The following HADH variants were observed in gnomAD, a reference collection of about 807,000 sequenced individuals.
HADH encodes hydroxyacyl-coenzyme A dehydrogenase, mitochondrial.
A neutral mutation model predicts 32.2 loss-of-function variants in HADH; 24 were observed. The observed-to-expected ratio is 0.75, with a 90% CI of 0.54 to 1.05. The LOEUF is 1.05. Among genes scored for constraint, HADH ranks in the 50% least tolerant of loss-of-function variants. The probability of loss-of-function intolerance (pLI) is 0.00; values close to 1 mark genes in which losing one functional copy is unlikely to be tolerated. For synonymous variants in HADH, 139 were observed against 152.5 expected (o/e 0.91, Z 0.65); for missense variants, 350 against 397.1 (o/e 0.88, Z 1.01).
chr4:107,989,931 C>T lies in HADH; in HGVS notation c.-2C>T, dbSNP rs567325509. On this transcript the variant is annotated 5_prime_UTR_variant, in exon 1 of 8. Transcript: ENST00000309522. Reference sequence around the variant, plus strand: ...CCTCGCTGTCGCCGCCGCTGCCACACCATGGCCTTCGTCACCAGGCAGTTC... The same window carrying T: ...CCTCGCTGTCGCCGCCGCTGCCACATCATGGCCTTCGTCACCAGGCAGTTC... 1.1e-5 allele frequency: 18 copies of T among 1,612,406 alleles called. No individual in the cohort carries two copies. In the South Asian group the frequency reaches 1.9e-4, roughly 17 times the overall value.
chr4:108,004,742 AT>A, intron 1 of HADH: 1 of 1,534,774 alleles, frequency 6.5e-7, no homozygotes, highest in East Asian at 2.4e-5. Context: ...TGGAAAAGAG[AT>A]TTTTAAGGTC....
chr4:107,991,353 G>GT (rs1281237601), intron 1 of HADH, among the ~76,000 whole-genome samples: 1 of 151,970 alleles, frequency 6.6e-6, no homozygotes, highest in Non-Finnish European at 1.5e-5. Context: ...TCAATGTCTT[G>GT]TTTCCAACCA....
Position 108,034,976 on chromosome 4 carries a change from G to A in HADH, c.*619G>A, listed in dbSNP as rs1736413610. The A allele has an allele frequency of 6.2e-6, 1 of 160,626 alleles. No homozygotes were observed. The highest frequency in any genetic ancestry group is 5.7e-5 in the Admixed American group (1 of 17,432). The allele number at this position is 160,626 out of a possible 1,614,324, so 10.0% of individuals were successfully genotyped here. ...GGAGGTCGGTTTTCATGGTCATTCAGTTCCACAGATCTGAATGATTACTGT... is the reference window on the plus strand; with the variant it reads ...GGAGGTCGGTTTTCATGGTCATTCAATTCCACAGATCTGAATGATTACTGT... On this transcript the variant is annotated 3_prime_UTR_variant, in exon 8 of 8. Transcript: ENST00000309522.
At chr4:108,017,247 C>T (rs1735722174) in intron 3 of HADH, among the ~76,000 whole-genome samples, 1 of 152,170 alleles carries the variant, frequency 6.6e-6, no homozygotes, top group South Asian at 2.1e-4. Flanking sequence ...CTGGAGAGAA[C>T]ATGACTTCTC....
chr4:108,032,252 G>T, intron 6 of HADH: 1 of 829,300 alleles, frequency 1.2e-6, no homozygotes, highest in South Asian at 1.7e-5. Flanking sequence ...CTCCATAAAG[G>T]CCTCTTGGGG....
intron 1 of HADH, among the ~76,000 whole-genome samples, chr4:107,993,896 G>A (rs56240690): frequency 0.13 from 19,923 of 149,494 alleles, 2,141 homozygotes; most frequent in African/African-American, 0.31. Flanking sequence ...CCTTGAGTGG[G>A]GGACAGGTTG....
At chr4:108,007,508 C>A (rs1735329962) in intron 1 of HADH, among the ~76,000 whole-genome samples, 1 of 152,172 alleles carries the variant, frequency 6.6e-6, no homozygotes, top group African/African-American at 2.4e-5. Flanking sequence ...ACTAATAATT[C>A]AGAAATAAAC....
chr4:107,998,699 G>A (rs1281987306), intron 1 of HADH, among the ~76,000 whole-genome samples: 1 of 152,154 alleles, frequency 6.6e-6, no homozygotes, highest in Non-Finnish European at 1.5e-5. Context: ...TGTCATGCAT[G>A]AGGCAATAGT....
At chr4:108,012,448 G>T (rs1303734943) in intron 2 of HADH, among the ~76,000 whole-genome samples, 2 of 152,164 alleles carry the variant, frequency 1.3e-5, no homozygotes, top group African/African-American at 2.4e-5. Context: ...AGAGTACACC[G>T]AACAAAGGAG....
chr4:107,998,974 T>C (rs1560722820), intron 1 of HADH, among the ~76,000 whole-genome samples: 1 of 152,242 alleles, frequency 6.6e-6, no homozygotes, highest in African/African-American at 2.4e-5. Flanking sequence ...GTCTTCCTCC[T>C]CTCAAAATTG....
At position 108,011,843 on chromosome 4, in the gene HADH, T is replaced by C. The variant is rs573253686; in HGVS notation, c.261+1956T>C. On this transcript the variant is annotated intron_variant, in intron 2 of 7. Coordinates refer to ENST00000309522, the MANE Select transcript of HADH (RefSeq NM_005327.7). ...CATGTTTGTTTTGTTTTGTTTCTTA[T>C]TGTAGCCATCTTAGGTGTGAAGTAG... 3.3e-5 allele frequency among the ~76,000 whole-genome samples: 5 copies of C among 152,314 alleles called. No homozygotes were observed. In the South Asian group the frequency reaches 1.0e-3, roughly 32 times the overall value.
chr4:108,019,756 G>A, intron 4 of HADH, 90 bp downstream of exon 4: 1 of 1,483,824 alleles, frequency 6.7e-7, no homozygotes, highest in Non-Finnish European at 9.4e-7. Flanking sequence ...GCCACCAGTT[G>A]CCTAGGATGG....
chr4:107,994,223 C>G (rs1199033181), intron 1 of HADH, among the ~76,000 whole-genome samples: 1 of 152,038 alleles, frequency 6.6e-6, no homozygotes, highest in South Asian at 2.1e-4. Flanking sequence ...GTTCTTCTCT[C>G]CCAAAGCTTG....
At chr4:108,032,747 C>T in intron 6 of HADH, 1 of 326,942 alleles carries the variant, frequency 3.1e-6, no homozygotes. Context: ...CTTTGGGAAG[C>T]TGAGACGGGA....
chr4:108,034,313 A>G lies in HADH; in HGVS notation c.901A>G (p.Lys301Glu). The G allele has an allele frequency of 1.2e-6, 2 of 1,613,044 alleles. No homozygotes were observed. The highest frequency in any genetic ancestry group is 8.5e-7 in the Non-Finnish European group (1 of 1,178,982). Residue 301 changes from lysine (K) to glutamate (E), a missense_variant, in exon 8 of 8, where the codon AAG (lysine) becomes GAG (glutamate). By Grantham distance (56) the Lys-to-Glu change is moderately conservative. Transcript: ENST00000309522. ...PSLNKLVAENKFGKKTGEGFY... is the reference protein window; with the variant it reads ...PSLNKLVAENEFGKKTGEGFY... Reference sequence around the variant, plus strand: ...CTTAAATAAGCTGGTAGCAGAGAACAAGTTCGGCAAGAAGACTGGAGAAGG... The same window carrying G: ...CTTAAATAAGCTGGTAGCAGAGAACGAGTTCGGCAAGAAGACTGGAGAAGG...
At position 107,994,494 on chromosome 4, in the gene HADH, A is replaced by G. The variant is rs149339499; in HGVS notation, c.132+4430A>G. ...AAAAGAGAATGATCAGAGTTGTTTC[A>G]TATTTTTTTAGCTTTATTCTCTTCT... On this transcript the variant is annotated intron_variant, in intron 1 of 7. Coordinates refer to ENST00000309522, the MANE Select transcript of HADH (RefSeq NM_005327.7). Among the ~76,000 whole-genome samples the G allele has an allele frequency of 5.6e-3, 858 of 152,194 alleles. 7 individuals carry two copies. Among genetic ancestry groups the G allele is most frequent in the African/African-American group, 0.02 (815 of 41,510 alleles).
chr4:108,025,030 G>A (rs1275984626), intron 5 of HADH: 1 of 152,170 alleles, frequency 6.6e-6, no homozygotes, highest in Non-Finnish European at 1.5e-5. Context: ...CATAGGACAA[G>A]GGTCAGCAAA....
chr4:108,019,242 C>T (rs1735799277), intron 3 of HADH, among the ~76,000 whole-genome samples: 2 of 152,058 alleles, frequency 1.3e-5, no homozygotes, highest in South Asian at 4.1e-4. Context: ...TGGAAGTTAA[C>T]TAATACAAGT....
At chr4:108,015,376 G>A (rs1238331354) in intron 3 of HADH, among the ~76,000 whole-genome samples, 1 of 152,160 alleles carries the variant, frequency 6.6e-6, no homozygotes, top group African/African-American at 2.4e-5. Context: ...TTTCTCTGTT[G>A]ATTAGTGATG....
Sources: gnomAD v4.1 joint callset for allele counts (sites outside exome capture counted in the v4.1 genomes callset) on GRCh38, gnomAD v4.1.1 for gene constraint, MANE v1.5 for transcripts, NCBI Gene and HGNC (gene_info 2026-07-23, HGNC 2026-07-21) for gene names.